NDST4: variants seen among roughly 807,000 people sequenced by gnomAD.
The protein encoded by NDST4 is N-deacetylase and N-sulfotransferase 4, also known as N-heparan sulfate sulfotransferase 4.
A neutral mutation model predicts 100.8 loss-of-function variants in NDST4; 63 were observed. That is an observed-to-expected ratio of 0.62 (90% CI 0.51 to 0.77). NDST4 has a LOEUF of 0.77. Among genes scored for constraint, NDST4 ranks in the 30% least tolerant of loss-of-function variants. The probability of loss-of-function intolerance (pLI) is 0.00; values close to 1 mark genes in which losing one functional copy is unlikely to be tolerated. For missense variants in NDST4, 943 were observed against 1,018.4 expected, an observed-to-expected ratio of 0.93 and a Z score of 1.01; for synonymous variants, 377 against 361.8, an observed-to-expected ratio of 1.04 and a Z score of -0.48.
intron 6 of NDST4, among the ~76,000 whole-genome samples, chr4:114,917,644 TAGAG>T (rs1160259173): frequency 1.3e-5 from 2 of 151,636 alleles, no homozygotes; most frequent in African/African-American, 4.8e-5. Flanking sequence ...TAGAAAAAAA[TAGAG>T]AGATGCTTAG....
At chr4:115,065,796 T>C (rs1728933708) in intron 2 of NDST4, among the ~76,000 whole-genome samples, 1 of 152,136 alleles carries the variant, frequency 6.6e-6, no homozygotes, top group African/African-American at 2.4e-5. Context: ...GGGATTTATA[T>C]TCTGGCCACA....
At chr4:114,898,250 C>G (rs1050569444) in intron 6 of NDST4, among the ~76,000 whole-genome samples, 6 of 152,016 alleles carry the variant, frequency 3.9e-5, no homozygotes, top group African/African-American at 1.2e-4. Context: ...TATAAGGTGT[C>G]TAGATTTATT....
intron 3 of NDST4, among the ~76,000 whole-genome samples, chr4:114,973,340 A>C (rs1433364511): frequency 6.6e-6 from 1 of 151,812 alleles, no homozygotes; most frequent in East Asian, 1.9e-4. Flanking sequence ...CCAGATTAGC[A>C]CATTTATTTT....
At chr4:114,947,173 A>G (rs967790272) in intron 4 of NDST4, among the ~76,000 whole-genome samples, 3 of 152,176 alleles carry the variant, frequency 2.0e-5, no homozygotes, top group African/African-American at 7.2e-5. Flanking sequence ...AGAACAATTA[A>G]ACACTGGTCC....
intron 6 of NDST4, among the ~76,000 whole-genome samples, chr4:114,934,062 C>A (rs1055177355): frequency 6.6e-6 from 1 of 152,106 alleles, no homozygotes; most frequent in Non-Finnish European, 1.5e-5. Context: ...CAGCATTATT[C>A]ACAGTAGCCT....
intron 10 of NDST4, 110 bp from the exon 11 acceptor site, chr4:114,839,658 A>G: frequency 1.2e-6 from 1 of 811,606 alleles, no homozygotes; most frequent in South Asian, 2.2e-5. Flanking sequence ...GTATGTATAA[A>G]TGTGTGTGTC....
chr4:115,041,244 A>C (rs1021546088), intron 2 of NDST4, among the ~76,000 whole-genome samples: 30 of 152,072 alleles, frequency 2.0e-4, no homozygotes, highest in African/African-American at 7.2e-4. Context: ...TTGAAACTGA[A>C]TCTAATCTAA....
intron 6 of NDST4, among the ~76,000 whole-genome samples, chr4:114,933,937 A>T (rs969115973): frequency 1.3e-5 from 2 of 152,302 alleles, no homozygotes; most frequent in African/African-American, 4.8e-5. Flanking sequence ...TATGGAAAAC[A>T]CTATAGAGAT....
rs79254626 is a variant in NDST4 at position 115,098,127 on chromosome 4, C to T, written c.-247+15317G>A. On this transcript the variant is annotated intron_variant, in intron 1 of 13. Transcript: ENST00000264363. ...TTACATTTCTTCTTGTCTATCACTC[C>T]AATTAAAATGCAAACTCTTTGAAGC... Among the ~76,000 whole-genome samples, 1,193 of 152,196 alleles carry T rather than the reference C, an allele frequency of 7.8e-3. 3 individuals carry two copies. The highest frequency in any genetic ancestry group is 0.013 in the Non-Finnish European group (895 of 67,992).
At chr4:114,918,589 T>C (rs1237523289) in intron 6 of NDST4, among the ~76,000 whole-genome samples, 1 of 150,784 alleles carries the variant, frequency 6.6e-6, no homozygotes, top group Non-Finnish European at 1.5e-5. Flanking sequence ...AAAATAAAAA[T>C]AGAATCAAAC....
At chr4:115,000,078 G>GT (rs1727253157) in intron 2 of NDST4, among the ~76,000 whole-genome samples, 1 of 151,668 alleles carries the variant, frequency 6.6e-6, no homozygotes, top group Admixed American at 6.6e-5. Flanking sequence ...TTAGCTATGT[G>GT]TTTTGAAATG....
chr4:115,059,274 A>T (rs1728767750), intron 2 of NDST4, among the ~76,000 whole-genome samples: 1 of 152,078 alleles, frequency 6.6e-6, no homozygotes, highest in African/African-American at 2.4e-5. Flanking sequence ...GTATGGAATG[A>T]ACAATACAAT....
intron 8 of NDST4, among the ~76,000 whole-genome samples, chr4:114,849,349 G>T (rs1232468486): frequency 6.6e-6 from 1 of 152,200 alleles, no homozygotes; most frequent in Non-Finnish European, 1.5e-5. Context: ...GGAGTGAGCA[G>T]CAGTTGTTAG....
intron 7 of NDST4, among the ~76,000 whole-genome samples, chr4:114,866,203 A>G (rs1023629318): frequency 1.3e-5 from 2 of 152,134 alleles, no homozygotes; most frequent in African/African-American, 4.8e-5. Flanking sequence ...ACTCACTCCT[A>G]CTTCGAAGGT....
intron 1 of NDST4, among the ~76,000 whole-genome samples, chr4:115,078,039 G>A (rs996935571): frequency 3.3e-5 from 5 of 152,086 alleles, no homozygotes; most frequent in Admixed American, 1.3e-4. Context: ...CCAAGAATCA[G>A]ATGTTCTATT....
chr4:114,933,630 C>T (rs1011237705), intron 6 of NDST4, among the ~76,000 whole-genome samples: 2 of 151,570 alleles, frequency 1.3e-5, no homozygotes, highest in South Asian at 2.1e-4. Context: ...ATCCAAAATA[C>T]GTATCAGGAA....
intron 4 of NDST4, among the ~76,000 whole-genome samples, chr4:114,964,656 C>G (rs891933907): frequency 1.3e-5 from 2 of 152,038 alleles, no homozygotes; most frequent in African/African-American, 4.8e-5. Flanking sequence ...TTTAAGTACA[C>G]AATATTATTA....
chr4:115,082,477 A>G (rs1192571283), intron 1 of NDST4, among the ~76,000 whole-genome samples: 2 of 152,168 alleles, frequency 1.3e-5, no homozygotes, highest in African/African-American at 4.8e-5. Context: ...AGAAAGCTAG[A>G]TACTAAATCA....
intron 4 of NDST4, among the ~76,000 whole-genome samples, chr4:114,966,068 T>C (rs932235595): frequency 6.6e-6 from 1 of 152,042 alleles, no homozygotes; most frequent in Non-Finnish European, 1.5e-5. Flanking sequence ...CCTACTGCCA[T>C]ACTAAGAAGG....
Sources: allele counts gnomAD v4.1 joint callset (sites outside exome capture counted in the v4.1 genomes callset), GRCh38; gene constraint gnomAD v4.1.1; transcripts MANE v1.5; gene names NCBI Gene and HGNC (gene_info 2026-07-23, HGNC 2026-07-21).